The following TMEM178B variants were observed in gnomAD, a reference collection of about 807,000 sequenced individuals.
TMEM178B encodes the protein transmembrane protein 178B.
TMEM178B carries 5 observed loss-of-function variants against 31.0 expected under a neutral mutation model. That is an observed-to-expected ratio of 0.16 (90% CI 0.08 to 0.34). The LOEUF is 0.34. Among genes scored for constraint, TMEM178B ranks in the 10% least tolerant of loss-of-function variants. TMEM178B has a pLI of 1.00. For synonymous variants in TMEM178B, 164 were observed against 164.0 expected, an observed-to-expected ratio of 1.00 and a Z score of 0.00; for missense variants, 275 against 400.3, an observed-to-expected ratio of 0.69 and a Z score of 2.67.
chr7:141,141,883 A>G (rs1795775164), intron 1 of TMEM178B, among the ~76,000 whole-genome samples: 1 of 152,222 alleles, frequency 6.6e-6, no homozygotes. Flanking sequence ...AAGTTCATTA[A>G]TTGTGTTGAT....
At chr7:141,185,422 C>T (rs1245601750) in intron 1 of TMEM178B, among the ~76,000 whole-genome samples, 1 of 152,158 alleles carries the variant, frequency 6.6e-6, no homozygotes, top group Non-Finnish European at 1.5e-5. Flanking sequence ...TCAGGCCGCT[C>T]AGCGGCCTGG....
Position 141,212,467 on chromosome 7 carries a change from G to T in TMEM178B, c.383-124G>T, listed in dbSNP as rs185955545. 5.5e-5 allele frequency: 39 copies of T among 713,942 alleles called. No individual in the cohort carries two copies. The African/African-American group carries it at 5.6e-4, about 10-fold the overall frequency. 44.2% of individuals were successfully genotyped at this position (713,942 alleles called of 1,614,324 possible). On this transcript the variant is annotated intron_variant, in intron 1 of 3. Transcript: ENST00000565468. ...TTTGAGTTGAAGGTATTGTCTTTCT[G>T]TAGTTGTCACCAGGCCCAATATGAA...
chr7:141,324,713 C>G (rs1215930223), intron 2 of TMEM178B, among the ~76,000 whole-genome samples: 1 of 152,064 alleles, frequency 6.6e-6, no homozygotes, highest in Non-Finnish European at 1.5e-5. Context: ...AGCATATCAT[C>G]CCTTTCAAGA....
rs890663152 is a variant in TMEM178B, at chr7:141,171,416, G to C, written c.383-41175G>C. Reference sequence around the variant, plus strand: ...GTACTTCTGTGAAATCGTTTTTACTGACTGGGAAACAGTCTGGGAGCTCAA... The same window carrying C: ...GTACTTCTGTGAAATCGTTTTTACTCACTGGGAAACAGTCTGGGAGCTCAA... On this transcript the variant is annotated intron_variant, in intron 1 of 3. Coordinates refer to ENST00000565468, the MANE Select transcript of TMEM178B (RefSeq NM_001195278.2). The surrounding 1 kb of genome is among the most constrained non-coding windows in gnomAD (Gnocchi z 4.3). Among the ~76,000 whole-genome samples, 2 of 152,198 alleles carry C rather than the reference G, an allele frequency of 1.3e-5. No individual in the cohort carries two copies. The highest frequency in any genetic ancestry group is 4.8e-5 in the African/African-American group (2 of 41,446).
intron 2 of TMEM178B, among the ~76,000 whole-genome samples, chr7:141,347,674 A>C (rs1799643546): frequency 6.6e-6 from 1 of 152,008 alleles, no homozygotes. Flanking sequence ...ACACAAGCAC[A>C]AAGTGTGTGG....
the TMEM178B span, among the ~76,000 whole-genome samples, chr7:141,505,015 C>T: frequency 6.6e-6 from 1 of 152,174 alleles, no homozygotes; most frequent in Non-Finnish European, 1.5e-5. Flanking sequence ...CTAGATATTC[C>T]TATTTCCTTA....
At chr7:141,085,216 C>T (rs893816475) in intron 1 of TMEM178B, among the ~76,000 whole-genome samples, 4 of 139,366 alleles carry the variant, frequency 2.9e-5, no homozygotes, top group South Asian at 2.2e-4. Context: ...AGGCTGGTCT[C>T]GAATTCCTGA....
intron 2 of TMEM178B, among the ~76,000 whole-genome samples, chr7:141,381,615 G>C (rs1800316376): frequency 6.6e-6 from 1 of 152,026 alleles, no homozygotes; most frequent in Non-Finnish European, 1.5e-5. Context: ...ATATTTAAGT[G>C]AATAAAAAAA....
intron 2 of TMEM178B, among the ~76,000 whole-genome samples, chr7:141,324,416 G>GT (rs56316531): frequency 0.017 from 1,481 of 85,636 alleles, 395 homozygotes; most frequent in Non-Finnish European, 0.026. Flanking sequence ...GGAGACCAGG[G>GT]TTTTTTTTTT....
chr7:141,365,339 C>A (rs1799985935), intron 2 of TMEM178B, among the ~76,000 whole-genome samples: 1 of 152,204 alleles, frequency 6.6e-6, no homozygotes, highest in Admixed American at 6.5e-5. Context: ...GCTTGAAGCC[C>A]TCCAGGGGAC....
At chr7:141,093,678 G>T (rs931708896) in intron 1 of TMEM178B, among the ~76,000 whole-genome samples, 18 of 152,228 alleles carry the variant, frequency 1.2e-4, no homozygotes, top group African/African-American at 4.3e-4. Context: ...GTTGGAATCT[G>T]CAAAAGAGAC....
In TMEM178B at chr7:141,092,330, G is replaced by A. The variant is rs115460583; in HGVS notation, c.382+17638G>A. ...ATAAAGTGATATAGATGGAAGTGGA[G>A]GGTAATGGAAACCTGCAGAAGATAG... On this transcript the variant is annotated intron_variant, in intron 1 of 3. Coordinates refer to ENST00000565468, the MANE Select transcript of TMEM178B (RefSeq NM_001195278.2). 7.7e-3 allele frequency among the ~76,000 whole-genome samples: 1,170 copies of A among 152,260 alleles called. 12 individuals are homozygous for A. The highest frequency in any genetic ancestry group is 0.026 in the African/African-American group (1,083 of 41,538).
At chr7:141,119,324 C>T (rs150723521) in intron 1 of TMEM178B, among the ~76,000 whole-genome samples, 2 of 152,122 alleles carry the variant, frequency 1.3e-5, no homozygotes, top group Non-Finnish European at 2.9e-5. Flanking sequence ...CCCACTTGGT[C>T]CCAGTGAGCT....
intron 1 of TMEM178B, among the ~76,000 whole-genome samples, chr7:141,209,830 A>G (rs1797026205): frequency 6.6e-6 from 1 of 152,182 alleles, no homozygotes; most frequent in Non-Finnish European, 1.5e-5. Flanking sequence ...AAAGGCAGGA[A>G]GGAGAATAGA....
intron 2 of TMEM178B, among the ~76,000 whole-genome samples, chr7:141,275,996 T>C (rs1798260668): frequency 6.6e-6 from 1 of 152,228 alleles, no homozygotes; most frequent in African/African-American, 2.4e-5. Context: ...ACAACTTTTA[T>C]AGAGGGAATC....
At chr7:141,169,240 A>G (rs1796308515) in intron 1 of TMEM178B, among the ~76,000 whole-genome samples, 2 of 152,136 alleles carry the variant, frequency 1.3e-5, no homozygotes, top group Non-Finnish European at 2.9e-5. Context: ...GTTCACCTCT[A>G]TGTGTCCATG....
intron 3 of TMEM178B, among the ~76,000 whole-genome samples, chr7:141,442,043 G>T (rs1801670100): frequency 6.6e-6 from 1 of 152,212 alleles, no homozygotes; most frequent in Non-Finnish European, 1.5e-5. Context: ...TGAATCACCA[G>T]TGACATTCAG....
the TMEM178B span, among the ~76,000 whole-genome samples, chr7:141,510,498 CAA>C: frequency 6.6e-6 from 1 of 151,588 alleles, no homozygotes; most frequent in South Asian, 2.1e-4. Flanking sequence ...CCAGCCTGAT[CAA>C]CATGGAGAAA....
intron 1 of TMEM178B, among the ~76,000 whole-genome samples, chr7:141,185,267 G>A (rs1796591832): frequency 1.3e-5 from 2 of 152,222 alleles, no homozygotes; most frequent in Non-Finnish European, 1.5e-5. Context: ...AGGACAGAGG[G>A]CTTTCTGTAT....
Sources: gnomAD v4.1 joint callset for allele counts (sites outside exome capture counted in the v4.1 genomes callset) on GRCh38, gnomAD v4.1.1 for gene constraint, Gnocchi (gnomAD v3.1) non-coding constraint, MANE v1.5 for transcripts, NCBI Gene and HGNC (gene_info 2026-07-23, HGNC 2026-07-21) for gene names.